Variants in NSMCE1 observed in about 807,000 individuals in gnomAD.
The protein encoded by NSMCE1 is non-structural maintenance of chromosomes element 1 homolog.
NSMCE1 carries 18 observed loss-of-function variants against 29.6 expected under a neutral mutation model. The observed-to-expected ratio is 0.61, with a 90% confidence interval of 0.42 to 0.90. The LOEUF (loss-of-function observed/expected upper bound fraction) is 0.90, where lower values mean the gene tolerates loss of function less well. Among genes scored for constraint, NSMCE1 ranks in the 40% least tolerant of loss-of-function variants. NSMCE1 has a pLI of 0.00. For synonymous variants in NSMCE1, 124 were observed against 133.4 expected, an observed-to-expected ratio of 0.93 and a Z score of 0.49; for missense variants, 314 against 343.6, an observed-to-expected ratio of 0.91 and a Z score of 0.68.
chr16:27,242,845 A>G (rs948280721), intron 2 of NSMCE1, among the ~76,000 whole-genome samples: 63 of 152,198 alleles, frequency 4.1e-4, no homozygotes, highest in Admixed American at 2.6e-4. Flanking sequence ...ATCCCTACCC[A>G]TGCAGGAGCC....
At chr16:27,253,509 T>C (rs986666715) in intron 2 of NSMCE1, among the ~76,000 whole-genome samples, 1 of 152,190 alleles carries the variant, frequency 6.6e-6, no homozygotes, top group Non-Finnish European at 1.5e-5. Flanking sequence ...ACTTTGTCCA[T>C]TTTTGAATTG....
chr16:27,256,317 G>A (rs775219456), intron 2 of NSMCE1, among the ~76,000 whole-genome samples: 4 of 152,180 alleles, frequency 2.6e-5, no homozygotes, highest in Non-Finnish European at 4.4e-5. Flanking sequence ...ATAATGTCAC[G>A]TTGGCTTCAA....
chr16:27,232,929 G>C lies in NSMCE1; in HGVS notation c.483+72C>G. Reference sequence around the variant, plus strand: ...CTCCTCAGACATCAGTTGGCTACAAGTACGATTTTGGAGAAAAAACTGTTA... The same window carrying C: ...CTCCTCAGACATCAGTTGGCTACAACTACGATTTTGGAGAAAAAACTGTTA... On this transcript the variant is annotated intron_variant, in intron 5 of 7. Coordinates refer to ENST00000361439, the MANE Select transcript of NSMCE1 (RefSeq NM_145080.4). The surrounding 1 kb of genome is among the most constrained non-coding windows in gnomAD (Gnocchi z 4.5). 6.5e-7 allele frequency: 1 copy of C among 1,531,080 alleles called. No homozygotes were observed. Among genetic ancestry groups the C allele is most frequent in the South Asian group, 1.2e-5 (1 of 84,774 alleles). 94.8% of individuals were successfully genotyped at this position (1,531,080 alleles called of 1,614,324 possible). A position where few individuals can be genotyped will look rare whatever the true frequency, so the allele number is the denominator to read the frequency against.
intron 1 of NSMCE1, among the ~76,000 whole-genome samples, chr16:27,262,518 T>C (rs934487159): frequency 4.6e-5 from 7 of 152,124 alleles, no homozygotes; most frequent in Admixed American, 1.3e-4. Context: ...CAATAAATGG[T>C]GCTAGTATAA....
At chr16:27,252,838 G>C (rs775710539) in intron 2 of NSMCE1, among the ~76,000 whole-genome samples, 15 of 152,196 alleles carry the variant, frequency 9.9e-5, no homozygotes, top group Non-Finnish European at 2.2e-4. Flanking sequence ...AGAATCGCTT[G>C]AACCTGGGAG....
chr16:27,263,257 AG>A (rs748918901), intron 1 of NSMCE1, among the ~76,000 whole-genome samples: 16 of 152,236 alleles, frequency 1.1e-4, no homozygotes, highest in Non-Finnish European at 2.1e-4. Flanking sequence ...TGTTCACTGC[AG>A]CCCCATTCAC....
intron 1 of NSMCE1, chr16:27,266,584 T>C (rs1567287299): frequency 6.6e-6 from 1 of 151,880 alleles, no homozygotes; most frequent in Non-Finnish European, 1.5e-5. Flanking sequence ...GTCACTGCAC[T>C]CTAGCCTGGG....
chr16:27,225,220 C>T lies in NSMCE1; in HGVS notation c.738G>A (p.Glu246=), dbSNP rs2083675253. The part of the protein sequence containing the change: ...PHEIPKVFDP[E]KERESGVLKS... ...TCAAGACACCAGACTCCCTCTCCTT[C>T]TCAGGGTCGAAGACTTCTGTAGACA... Residue 246 remains glutamate (E), a synonymous_variant, in exon 8 of 8, where the codon GAG becomes GAA. Transcript: ENST00000361439. The T allele has an allele frequency of 1.2e-6, 2 of 1,605,108 alleles. No individual in the cohort carries two copies. The highest frequency in any genetic ancestry group is 1.3e-5 in the African/African-American group (1 of 74,848).
chr16:27,257,667 A>G, intron 1 of NSMCE1, 86 bp from the exon 2 acceptor site: 4 of 1,123,984 alleles, frequency 3.6e-6, no homozygotes, highest in Non-Finnish European at 5.0e-6. Context: ...ATTAACAAAT[A>G]TAAATTTGCT....
intron 5 of NSMCE1, among the ~76,000 whole-genome samples, chr16:27,227,644 C>T (rs1032169930): frequency 6.6e-6 from 1 of 152,220 alleles, no homozygotes; most frequent in Non-Finnish European, 1.5e-5. Context: ...ACAGTCAGCT[C>T]ATGCATCGGA....
Position 27,232,987 on chromosome 16 carries a change from C to A in NSMCE1, c.483+14G>T, listed in dbSNP as rs2083778052. The A allele has an allele frequency of 1.2e-6, 2 of 1,610,046 alleles. No individual in the cohort carries two copies. The highest frequency in any genetic ancestry group is 1.7e-6 in the Non-Finnish European group (2 of 1,178,964). Reference sequence around the variant, plus strand: ...GAAAAAGTGAACCAGGCTGGAAAAACCATGAGACAGTACCTCAATCAGCCA... The same window carrying A: ...GAAAAAGTGAACCAGGCTGGAAAAAACATGAGACAGTACCTCAATCAGCCA... On this transcript the variant is annotated intron_variant, in intron 5 of 7. Transcript: ENST00000361439. The surrounding 1 kb of genome is among the most constrained non-coding windows in gnomAD (Gnocchi z 4.5).
At chr16:27,233,765 G>T (rs11641348) in intron 4 of NSMCE1, among the ~76,000 whole-genome samples, 92,521 of 152,204 alleles carry the variant, frequency 0.61, 28,786 homozygotes, top group East Asian at 0.88. Flanking sequence ...CACGTGCAAA[G>T]GATTCAGTGG....
chr16:27,262,019 G>C (rs1250090992), intron 1 of NSMCE1, among the ~76,000 whole-genome samples: 3 of 152,170 alleles, frequency 2.0e-5, no homozygotes, highest in African/African-American at 7.2e-5. Flanking sequence ...AAGGCGGGCA[G>C]ATCACCTGAG....
At chr16:27,248,514 A>G (rs2083983833) in intron 2 of NSMCE1, among the ~76,000 whole-genome samples, 1 of 147,172 alleles carries the variant, frequency 6.8e-6, no homozygotes, top group African/African-American at 2.5e-5. Context: ...GGGTTCAAGC[A>G]ATTCTCCTGC....
At chr16:27,242,216 G>C (rs549678631) in intron 2 of NSMCE1, among the ~76,000 whole-genome samples, 3 of 152,242 alleles carry the variant, frequency 2.0e-5, no homozygotes, top group African/African-American at 7.2e-5. Flanking sequence ...TTGACTCCTT[G>C]ACCCTCATGA....
intron 2 of NSMCE1, among the ~76,000 whole-genome samples, chr16:27,256,127 C>T (rs927505542): frequency 6.6e-6 from 1 of 152,028 alleles, no homozygotes. Flanking sequence ...CTGTACACGC[C>T]CTTTCTCATA....
At chr16:27,225,271 T>C in intron 7 of NSMCE1, 35 bp from the exon 8 acceptor site, 2 of 1,318,936 alleles carry the variant, frequency 1.5e-6, no homozygotes, top group Non-Finnish European at 2.2e-6. Flanking sequence ...ACACAGTGAA[T>C]GGAGGGGCTG....
chr16:27,246,685 T>A lies in NSMCE1; in HGVS notation c.136+10750A>T, dbSNP rs1057125103. Reference sequence around the variant, plus strand: ...TTTTATTTTATGTAGATACAGTGTTTCGCCATGTTGCCCAGGTTTGTCTCA... The same window carrying A: ...TTTTATTTTATGTAGATACAGTGTTACGCCATGTTGCCCAGGTTTGTCTCA... On this transcript the variant is annotated intron_variant, in intron 2 of 7. Transcript: ENST00000361439. Among the ~76,000 whole-genome samples, 4 of 152,160 alleles carry A rather than the reference T, an allele frequency of 2.6e-5. No individual in the cohort carries two copies. The South Asian group carries it at 8.3e-4, about 32-fold the overall frequency.
At chr16:27,260,886 G>A (rs532885551) in intron 1 of NSMCE1, among the ~76,000 whole-genome samples, 2 of 147,350 alleles carry the variant, frequency 1.4e-5, no homozygotes, top group East Asian at 3.9e-4. Flanking sequence ...GGTTGCGGGG[G>A]CTGGTCGTGG....
Sources: allele counts gnomAD v4.1 joint callset (sites outside exome capture counted in the v4.1 genomes callset), GRCh38; gene constraint gnomAD v4.1.1; non-coding constraint Gnocchi (gnomAD v3.1); transcripts MANE v1.5; gene names NCBI Gene and HGNC (gene_info 2026-07-23, HGNC 2026-07-21).